Variants in ADGRL3 observed in about 807,000 individuals in gnomAD.
The protein encoded by ADGRL3 is calcium-independent alpha-latrotoxin receptor 3.
A neutral mutation model predicts 153.5 loss-of-function variants in ADGRL3; 62 were observed. The observed-to-expected ratio is 0.40, with a 90% CI of 0.33 to 0.50. The LOEUF (loss-of-function observed/expected upper bound fraction) is 0.50. Among genes scored for constraint, ADGRL3 ranks in the 20% least tolerant of loss-of-function variants. ADGRL3 has a pLI of 0.47. For synonymous variants in ADGRL3, 710 were observed against 672.5 expected, an observed-to-expected ratio of 1.06 and a Z score of -0.86; for missense variants, 1,641 against 1,859.4, an observed-to-expected ratio of 0.88 and a Z score of 2.16.
intron 2 of ADGRL3, among the ~76,000 whole-genome samples, chr4:61,459,113 A>T (rs1183437130): frequency 1.3e-5 from 2 of 151,450 alleles, no homozygotes; most frequent in African/African-American, 2.4e-5. Context: ...ATGTGTACTT[A>T]AGTTTTCAAA....
chr4:61,876,454 A>T (rs895063171), intron 9 of ADGRL3, among the ~76,000 whole-genome samples: 1 of 152,146 alleles, frequency 6.6e-6, no homozygotes, highest in Non-Finnish European at 1.5e-5. Context: ...GCAAGAATGA[A>T]ATTTTGAATT....
intron 5 of ADGRL3, among the ~76,000 whole-genome samples, chr4:61,616,156 G>A (rs2091980274): frequency 6.6e-6 from 1 of 152,044 alleles, no homozygotes; most frequent in Admixed American, 6.6e-5. Context: ...ATTTGAATAA[G>A]TTATTTGATA....
Position 61,327,931 on chromosome 4 carries a change from T to C in ADGRL3, c.-239-55193T>C, listed in dbSNP as rs1412651704. On this transcript the variant is annotated intron_variant, in intron 1 of 26. Transcript: ENST00000683033. ...GAGGCATGAATGGAAAATGAAGAAA[T>C]GGAAATTGCTATTAAGACTGTCAAA... Among the ~76,000 whole-genome samples the C allele has an allele frequency of 2.6e-5, 4 of 151,996 alleles. No homozygotes were observed. The East Asian group carries it at 7.7e-4, about 29-fold the overall frequency.
In ADGRL3 at chr4:62,077,520, A is replaced by C. The variant is rs1747537157; in HGVS notation, c.*6612A>C. 1 of 151,992 alleles carries C rather than the reference A, an allele frequency of 6.6e-6. No homozygotes were observed. Among genetic ancestry groups the C allele is most frequent in the African/African-American group, 2.4e-5 (1 of 41,428 alleles). The allele number at this position is 151,992 out of a possible 1,614,324, so 9.4% of individuals were successfully genotyped here. A position where few individuals can be genotyped will look rare whatever the true frequency, so the allele number is the denominator to read the frequency against. ...AAAATGAAATATATTGATTGCTCTC[A>C]AAAGATGTTTGACAAAGTTAAGTCA... is the stretch of plus-strand genomic sequence containing the variant. On this transcript the variant is annotated 3_prime_UTR_variant, in exon 27 of 27. Transcript: ENST00000683033.
intron 1 of ADGRL3, among the ~76,000 whole-genome samples, chr4:61,329,386 A>G (rs1196186324): frequency 6.6e-6 from 1 of 152,154 alleles, no homozygotes; most frequent in East Asian, 1.9e-4. Flanking sequence ...AGATCAAACC[A>G]TCCTTTGTCT....
Position 61,842,157 on chromosome 4 carries a change from G to A in ADGRL3, c.1480+28268G>A, listed in dbSNP as rs538884264. Among the ~76,000 whole-genome samples the A allele has an allele frequency of 9.2e-5, 14 of 152,194 alleles. No individual in the cohort carries two copies. The East Asian group carries it at 2.1e-3, about 23-fold the overall frequency. ...CAGTTAAAACATTTTAATACCAAAA[G>A]CAATAAACTACAGAGAAAAGTGAAA... On this transcript the variant is annotated intron_variant, in intron 9 of 26. Coordinates refer to ENST00000683033, the MANE Select transcript of ADGRL3 (RefSeq NM_001387552.1).
At chr4:61,628,757 T>C (rs1270062124) in intron 5 of ADGRL3, among the ~76,000 whole-genome samples, 3 of 152,144 alleles carry the variant, frequency 2.0e-5, no homozygotes, top group Admixed American at 2.0e-4. Context: ...GTAAAGATGG[T>C]GGGAACTGCT....
intron 8 of ADGRL3, among the ~76,000 whole-genome samples, chr4:61,734,579 G>A (rs897313709): frequency 9.2e-5 from 14 of 152,138 alleles, no homozygotes; most frequent in African/African-American, 3.1e-4. Context: ...GAACAGCACA[G>A]GGGAGACTGC....
rs1473572005 is a variant in ADGRL3 at position 62,071,620 on chromosome 4, G to A, written c.*712G>A. On this transcript the variant is annotated 3_prime_UTR_variant, in exon 27 of 27. Transcript: ENST00000683033. ...TGCTTTCTGTTCCTCCAGAATTTGA[G>A]TCCTGTTAATGTAGTAGAAAAAAAA... 6 of 342,338 alleles carry A rather than the reference G, an allele frequency of 1.8e-5. No individual in the cohort carries two copies. Among genetic ancestry groups the A allele is most frequent in the Non-Finnish European group, 3.4e-5 (6 of 178,066 alleles). 21.2% of individuals were successfully genotyped at this position (342,338 alleles called of 1,614,324 possible).
At chr4:61,839,593 T>G (rs997601794) in intron 9 of ADGRL3, among the ~76,000 whole-genome samples, 1 of 148,578 alleles carries the variant, frequency 6.7e-6, no homozygotes, top group Admixed American at 6.8e-5. Context: ...ATTTGGCAGG[T>G]TTTTTTTTTC....
intron 25 of ADGRL3, among the ~76,000 whole-genome samples, chr4:62,054,448 C>A (rs1436393428): frequency 1.3e-5 from 2 of 151,512 alleles, no homozygotes; most frequent in African/African-American, 4.8e-5. Flanking sequence ...TGGTTTCTAG[C>A]TAATTATATG....
chr4:62,027,893 T>C (rs536343757), intron 21 of ADGRL3, among the ~76,000 whole-genome samples: 219 of 152,000 alleles, frequency 1.4e-3, no homozygotes, highest in African/African-American at 5.1e-3. Context: ...AGGTAGCTAG[T>C]AAGTGGCTGA....
chr4:61,670,918 C>T, intron 5 of ADGRL3, among the ~76,000 whole-genome samples: 1 of 152,128 alleles, frequency 6.6e-6, no homozygotes, highest in Admixed American at 6.5e-5. Context: ...GTCCTCGGTC[C>T]TTGTCTGTGC....
At chr4:61,475,752 T>C (rs1447749166) in intron 2 of ADGRL3, among the ~76,000 whole-genome samples, 5 of 152,202 alleles carry the variant, frequency 3.3e-5, no homozygotes, top group Non-Finnish European at 7.4e-5. Flanking sequence ...AAATCAGTGA[T>C]AAAGGAAGCT....
chr4:61,608,575 A>G lies in ADGRL3; in HGVS notation c.473+21135A>G, dbSNP rs115443420. Among the ~76,000 whole-genome samples the G allele has an allele frequency of 8.3e-3, 1,260 of 152,286 alleles. 6 individuals carry two copies. The highest frequency in any genetic ancestry group is 0.014 in the Non-Finnish European group (946 of 68,016). Reference sequence around the variant, plus strand: ...TTGTTACTTAGCTATTTTATTATTTATTTGGCTCTTTTGCTGACCTTTCTG... The same window carrying G: ...TTGTTACTTAGCTATTTTATTATTTGTTTGGCTCTTTTGCTGACCTTTCTG... On this transcript the variant is annotated intron_variant, in intron 5 of 26. Coordinates refer to ENST00000683033, the MANE Select transcript of ADGRL3 (RefSeq NM_001387552.1).
At chr4:61,528,130 C>T (rs1326172819) in intron 4 of ADGRL3, among the ~76,000 whole-genome samples, 3 of 152,100 alleles carry the variant, frequency 2.0e-5, no homozygotes, top group Non-Finnish European at 1.5e-5. Context: ...TGCTTCGGTT[C>T]CCTCATTTTT....
chr4:61,497,398 C>T, intron 3 of ADGRL3, 50 bp downstream of exon 3: 1 of 1,166,436 alleles, frequency 8.6e-7, no homozygotes. Flanking sequence ...CTCACTTATT[C>T]ATACTGGACA....
intron 1 of ADGRL3, among the ~76,000 whole-genome samples, chr4:61,225,462 T>A (rs2149090141): frequency 6.6e-6 from 1 of 152,322 alleles, no homozygotes; most frequent in East Asian, 1.9e-4. Context: ...GGGCATTATT[T>A]TTCCTGCCCT....
At chr4:61,732,083 T>G (rs2096452720) in intron 7 of ADGRL3, among the ~76,000 whole-genome samples, 1 of 152,170 alleles carries the variant, frequency 6.6e-6, no homozygotes, top group Non-Finnish European at 1.5e-5. Flanking sequence ...GGTTCTTTTC[T>G]GTAACCTTTC....
Sources: gnomAD v4.1 joint callset for allele counts (sites outside exome capture counted in the v4.1 genomes callset) on GRCh38, gnomAD v4.1.1 for gene constraint, MANE v1.5 for transcripts, NCBI Gene and HGNC (gene_info 2026-07-23, HGNC 2026-07-21) for gene names.